The following EFHC2 variants were observed in gnomAD, a reference collection of about 807,000 sequenced individuals.
The protein encoded by EFHC2 is EF-hand domain-containing family member C2.
A neutral mutation model predicts 52.7 loss-of-function variants in EFHC2; 18 were observed. That is an observed-to-expected ratio of 0.34 (90% confidence interval 0.24 to 0.51). EFHC2 has a LOEUF of 0.51. EFHC2 is among the 20% of genes least tolerant of loss of function. The probability of loss-of-function intolerance (pLI) is 0.97; values close to 1 mark genes in which losing one functional copy is unlikely to be tolerated. For missense variants in EFHC2, 513 were observed against 562.5 expected (o/e 0.91, Z 0.89); for synonymous variants, 203 against 204.1 (o/e 0.99, Z 0.04).
intron 13 of EFHC2, among the ~76,000 whole-genome samples, chrX:44,168,063 C>T (rs2036710983): frequency 9.0e-6 from 1 of 111,596 alleles, no homozygotes; most frequent in Middle Eastern, 4.7e-3. Context: ...ACTAACTTGG[C>T]AGAGCTGAGG....
intron 3 of EFHC2, 137 bp downstream of exon 3, chrX:44,272,549 C>A: frequency 1.7e-6 from 1 of 582,208 alleles, no homozygotes. Flanking sequence ...ACGCTAATGG[C>A]ATGTTTATAT....
chrX:44,339,202 A>AAAAAAG lies in EFHC2; in HGVS notation c.42+4344_42+4345insCTTTTT, dbSNP rs2038137890. Among the ~76,000 whole-genome samples the AAAAAAG allele has an allele frequency of 3.6e-5, 4 of 110,546 alleles. No individual in the cohort carries two copies. The South Asian group carries it at 1.1e-3, about 31-fold the overall frequency. The stretch of plus-strand genomic sequence containing the variant: ...CGAGACTCCATCTCCAAAAAAAAAA[A>AAAAAAG]GCAGAAAGAGTGAGCTCTTCATCAT... On this transcript the variant is annotated intron_variant, in intron 1 of 14. Coordinates refer to ENST00000420999, the MANE Select transcript of EFHC2 (RefSeq NM_025184.4).
chrX:44,185,053 A>G (rs753972529), intron 11 of EFHC2, among the ~76,000 whole-genome samples: 3 of 112,229 alleles, frequency 2.7e-5, no homozygotes, highest in African/African-American at 9.7e-5. Context: ...TCAGCATAGT[A>G]CCTTGAACTA....
At chrX:44,210,483 C>A (rs1314895018) in intron 11 of EFHC2, among the ~76,000 whole-genome samples, 1 of 112,204 alleles carries the variant, frequency 8.9e-6, no homozygotes, top group East Asian at 2.8e-4. Flanking sequence ...TCAAAATGGA[C>A]AAATACGTCA....
At chrX:44,172,414 G>T (rs1023179465) in intron 13 of EFHC2, among the ~76,000 whole-genome samples, 14 of 112,483 alleles carry the variant, frequency 1.2e-4, no homozygotes, top group African/African-American at 4.5e-4. Context: ...TCCAAATGAA[G>T]GCTCAGAGGG....
chrX:44,275,967 G>A (rs2037654778), intron 2 of EFHC2, among the ~76,000 whole-genome samples: 1 of 109,463 alleles, frequency 9.1e-6, no homozygotes, highest in African/African-American at 3.3e-5. Context: ...GTAATTGGCT[G>A]CAATTTTCTT....
chrX:44,293,287 G>A (rs929960185), intron 2 of EFHC2, among the ~76,000 whole-genome samples: 1 of 111,151 alleles, frequency 9.0e-6, no homozygotes, highest in Non-Finnish European at 1.9e-5. Flanking sequence ...CATTAATAGA[G>A]GTTTTTGTCT....
intron 2 of EFHC2, among the ~76,000 whole-genome samples, chrX:44,298,236 A>G (rs1219461904): frequency 8.9e-6 from 1 of 111,981 alleles, no homozygotes; most frequent in African/African-American, 3.2e-5. Context: ...AAAGGACTGT[A>G]AAATGCCCAG....
chrX:44,287,740 A>T (rs1360762021), intron 2 of EFHC2, among the ~76,000 whole-genome samples: 2 of 112,435 alleles, frequency 1.8e-5, no homozygotes, highest in East Asian at 2.8e-4. Context: ...GAAAGTAGCC[A>T]GTAATCTAGA....
At chrX:44,268,938 C>T (rs186073483) in intron 3 of EFHC2, among the ~76,000 whole-genome samples, 2 of 111,227 alleles carry the variant, frequency 1.8e-5, no homozygotes, top group East Asian at 5.7e-4. Flanking sequence ...TACCATTAGG[C>T]CAAATTCACC....
intron 2 of EFHC2, 104 bp downstream of exon 2, chrX:44,312,464 C>G (rs1471157751): frequency 1.7e-6 from 1 of 586,999 alleles, no homozygotes; most frequent in African/African-American, 2.4e-5. Context: ...AGAAAAAGAA[C>G]TAGCCTTAAC....
Position 44,250,247 on chromosome X carries a change from T to G in EFHC2, c.805A>C (p.Ser269Arg). ...TIEIKELLPH[S>R]SGRDALKMFL... ...ATTTTTAGAGCATCTCGGCCTGAGC[T>G]GTGTGGAAGCAATTCTTTGATTTCA... Residue 269 changes from serine to arginine, a missense_variant, in exon 5 of 15, where the codon AGC becomes CGC. Ser to Arg is a moderately radical substitution (Grantham distance 110, BLOSUM62 -1). Coordinates refer to ENST00000420999, the MANE Select transcript of EFHC2 (RefSeq NM_025184.4). 1 of 1,211,174 alleles carries G rather than the reference T, an allele frequency of 8.3e-7. No individual in the cohort carries two copies. The highest frequency in any genetic ancestry group is 1.8e-5 in the South Asian group (1 of 56,857).
intron 11 of EFHC2, among the ~76,000 whole-genome samples, chrX:44,190,063 T>A (rs901493783): frequency 8.9e-6 from 1 of 112,183 alleles, no homozygotes; most frequent in Non-Finnish European, 1.9e-5. Flanking sequence ...GTCCAGTTTG[T>A]CATCTGTGAC....
intron 4 of EFHC2, among the ~76,000 whole-genome samples, chrX:44,254,149 C>A (rs1486673857): frequency 8.0e-5 from 9 of 112,156 alleles, no homozygotes; most frequent in Non-Finnish European, 1.7e-4. Flanking sequence ...TAGATAAATC[C>A]ACAAAGATGA....
chrX:44,166,362 A>G (rs1174128788), intron 13 of EFHC2, among the ~76,000 whole-genome samples: 1 of 111,476 alleles, frequency 9.0e-6, no homozygotes, highest in Non-Finnish European at 1.9e-5. Context: ...GATGACTCCA[A>G]TGCCTTTGCT....
intron 1 of EFHC2, among the ~76,000 whole-genome samples, chrX:44,328,112 G>A (rs2038063284): frequency 1.8e-5 from 2 of 111,755 alleles, no homozygotes. Context: ...ACTGGCTCAC[G>A]GTAGCTGATT....
At chrX:44,163,822 A>T in intron 14 of EFHC2, 100 bp downstream of exon 14, 2 of 607,754 alleles carry the variant, frequency 3.3e-6, no homozygotes, top group South Asian at 5.6e-5. Flanking sequence ...AAAAGCACTG[A>T]TGTTAATATT....
chrX:44,340,753 T>C (rs1342360210), intron 1 of EFHC2, among the ~76,000 whole-genome samples: 1 of 112,207 alleles, frequency 8.9e-6, no homozygotes, highest in East Asian at 2.8e-4. Flanking sequence ...GTACAGATTA[T>C]AACTACAAAG....
chrX:44,242,756 T>A (rs1307529897), intron 7 of EFHC2, among the ~76,000 whole-genome samples: 1 of 110,722 alleles, frequency 9.0e-6, no homozygotes, highest in Non-Finnish European at 1.9e-5. Context: ...TCCTTCCCCA[T>A]CCACCATCTC....
Sources: gnomAD v4.1 joint callset for allele counts (sites outside exome capture counted in the v4.1 genomes callset) on GRCh38, gnomAD v4.1.1 for gene constraint, MANE v1.5 for transcripts, NCBI Gene and HGNC (gene_info 2026-07-23, HGNC 2026-07-21) for gene names.